The following TSHR variants were observed in gnomAD, a reference collection of about 807,000 sequenced individuals.
TSHR encodes the protein thyroid stimulating hormone receptor, also known as thyrotropin receptor.
In TSHR, 51 loss-of-function variants were observed where a neutral mutation model predicts 64.1. That is an observed-to-expected ratio of 0.80 (90% confidence interval 0.64 to 1.01). The LOEUF (loss-of-function observed/expected upper bound fraction) is 1.01. Ranked by LOEUF, TSHR falls within the 50% of genes least tolerant of loss-of-function variation. The probability of loss-of-function intolerance (pLI) is 0.00; values close to 1 mark genes in which losing one functional copy is unlikely to be tolerated. For synonymous variants in TSHR, 361 were observed against 361.9 expected (o/e 1.00, Z 0.03); for missense variants, 877 against 942.8 (o/e 0.93, Z 0.91).
intron 1 of TSHR, among the ~76,000 whole-genome samples, chr14:81,007,242 T>C (rs1340509606): frequency 6.6e-6 from 1 of 152,238 alleles, no homozygotes; most frequent in Admixed American, 6.5e-5. Flanking sequence ...ACCTTGATCT[T>C]AGACTATCCA....
chr14:80,982,736 C>A, intron 1 of TSHR: 1 of 774,902 alleles, frequency 1.3e-6, no homozygotes, highest in Non-Finnish European at 2.0e-6. Context: ...ATTGTTTTGG[C>A]CTCAGCTGAA....
intron 1 of TSHR, among the ~76,000 whole-genome samples, 171 bp from the exon 2 acceptor site, chr14:81,061,977 G>A (rs1301027824): frequency 1.3e-5 from 2 of 152,052 alleles, no homozygotes; most frequent in Non-Finnish European, 2.9e-5. Context: ...AAAAAAATGT[G>A]TACATATGGT....
At chr14:81,002,625 T>C (rs1411260652) in intron 1 of TSHR, among the ~76,000 whole-genome samples, 1 of 152,100 alleles carries the variant, frequency 6.6e-6, no homozygotes, top group Non-Finnish European at 1.5e-5. Flanking sequence ...ATTCCCTCCA[T>C]AGTTAACCCT....
intron 3 of TSHR, among the ~76,000 whole-genome samples, chr14:81,085,548 C>T (rs1172458679): frequency 6.6e-6 from 1 of 152,138 alleles, no homozygotes; most frequent in Non-Finnish European, 1.5e-5. Context: ...CTTCCAGCCT[C>T]CATGTAAGTT....
intron 1 of TSHR, chr14:80,995,039 A>G (rs1475449083): frequency 6.6e-6 from 1 of 152,220 alleles, no homozygotes; most frequent in African/African-American, 2.4e-5. Context: ...ACTTAAATTT[A>G]CAAAGAAAAA....
rs562190978 is a variant in TSHR at position 81,002,830 on chromosome 14, T to A, written c.170+46980T>A. 5.4e-3 allele frequency among the ~76,000 whole-genome samples: 587 copies of A among 109,504 alleles called. 78 individuals carry two copies. Among genetic ancestry groups the A allele is most frequent in the Non-Finnish European group, 6.9e-3 (360 of 51,868 alleles). The allele number at this position is 109,504 out of a possible 152,430, so 71.8% of individuals were successfully genotyped here. Reference sequence around the variant, plus strand: ...TTTATCTTTTTTTTTTTTTTCTTTTTTTATTATTATTATTATACTTTAAGT... The same window carrying A: ...TTTATCTTTTTTTTTTTTTTCTTTTATTATTATTATTATTATACTTTAAGT... On this transcript the variant is annotated intron_variant, in intron 1 of 9. Transcript: ENST00000298171.
At chr14:81,102,200 A>G (rs1282047160) in intron 7 of TSHR, among the ~76,000 whole-genome samples, 4 of 151,904 alleles carry the variant, frequency 2.6e-5, no homozygotes, top group Non-Finnish European at 4.4e-5. Context: ...AAACTAAACA[A>G]TAGTGAATGA....
chr14:81,046,190 T>C (rs1337404084), intron 1 of TSHR, among the ~76,000 whole-genome samples: 1 of 152,008 alleles, frequency 6.6e-6, no homozygotes, highest in Non-Finnish European at 1.5e-5. Context: ...GGAAATATGA[T>C]CCAGAACAAA....
intron 2 of TSHR, among the ~76,000 whole-genome samples, chr14:81,067,459 A>G (rs574133446): frequency 7.1e-6 from 1 of 141,664 alleles, no homozygotes; most frequent in South Asian, 2.3e-4. Flanking sequence ...GCACTCTGAT[A>G]ATTAGTGAAA....
intron 1 of TSHR, among the ~76,000 whole-genome samples, chr14:81,004,479 A>G (rs1435136090): frequency 6.6e-6 from 1 of 152,098 alleles, no homozygotes; most frequent in Non-Finnish European, 1.5e-5. Context: ...TGCTCCATGT[A>G]TTTTCACACC....
chr14:81,110,515 T>C (rs1045947301), intron 8 of TSHR, among the ~76,000 whole-genome samples: 2 of 152,224 alleles, frequency 1.3e-5, no homozygotes, highest in South Asian at 2.1e-4. Flanking sequence ...CCTCCAGAAC[T>C]GTAAGAAAAT....
At chr14:81,028,980 A>C (rs958227140) in intron 1 of TSHR, among the ~76,000 whole-genome samples, 12 of 151,842 alleles carry the variant, frequency 7.9e-5, no homozygotes, top group Middle Eastern at 6.8e-3. Context: ...GAGCCTATAG[A>C]TATTTTTAAA....
chr14:80,968,554 C>T (rs1887432686), intron 1 of TSHR, among the ~76,000 whole-genome samples: 1 of 152,128 alleles, frequency 6.6e-6, no homozygotes, highest in South Asian at 2.1e-4. Flanking sequence ...TCTTTGACTC[C>T]AATCCTAGAT....
intron 1 of TSHR, among the ~76,000 whole-genome samples, chr14:81,044,402 T>A (rs193299134): frequency 1.5e-3 from 230 of 152,314 alleles, no homozygotes; most frequent in Admixed American, 2.3e-3. Flanking sequence ...CTCATGCCTG[T>A]AATCCCAAAA....
intron 1 of TSHR, among the ~76,000 whole-genome samples, chr14:81,029,749 GA>G (rs1183673050): frequency 2.0e-5 from 3 of 152,062 alleles, no homozygotes; most frequent in Non-Finnish European, 4.4e-5. Flanking sequence ...AAAAGAGGGT[GA>G]AATAATAACT....
At chr14:81,030,905 TTTTCATTATA>T (rs1182453378) in intron 1 of TSHR, among the ~76,000 whole-genome samples, 1 of 152,204 alleles carries the variant, frequency 6.6e-6, no homozygotes, top group Non-Finnish European at 1.5e-5. Context: ...TCATGACATT[TTTTCATTATA>T]ATGGAGGTTT....
At chr14:81,128,658 C>A (rs1408778048) in intron 8 of TSHR, among the ~76,000 whole-genome samples, 1 of 152,098 alleles carries the variant, frequency 6.6e-6, no homozygotes. Context: ...TGGTTCTACC[C>A]CAGCCACACT....
intron 8 of TSHR, among the ~76,000 whole-genome samples, chr14:81,120,501 A>G (rs1890746025): frequency 1.3e-5 from 2 of 152,156 alleles, no homozygotes. Context: ...GTTTATAGAA[A>G]CACAACTGAT....
intron 7 of TSHR, chr14:81,104,662 A>C: frequency 1.0e-6 from 1 of 985,470 alleles, no homozygotes; most frequent in Non-Finnish European, 1.2e-6. Flanking sequence ...CATATAGTAC[A>C]CATAATACTG....
Sources: allele counts gnomAD v4.1 joint callset (sites outside exome capture counted in the v4.1 genomes callset), GRCh38; gene constraint gnomAD v4.1.1; transcripts MANE v1.5; gene names NCBI Gene and HGNC (gene_info 2026-07-23, HGNC 2026-07-21).